The following KIAA0825 variants were observed in gnomAD, a reference collection of about 807,000 sequenced individuals.
KIAA0825 encodes the protein KIAA0825.
A neutral mutation model predicts 147.6 loss-of-function variants in KIAA0825; 119 were observed. The ratio of observed to expected loss-of-function variants is 0.81; its 90% CI spans 0.69 to 0.94. The LOEUF (loss-of-function observed/expected upper bound fraction) is 0.94. Ranked by LOEUF, KIAA0825 falls within the 40% of genes least tolerant of loss-of-function variation. The pLI is 0.00. For missense variants in KIAA0825, 1,381 were observed against 1,472.7 expected, an observed-to-expected ratio of 0.94 and a Z score of 1.02; for synonymous variants, 470 against 518.1, an observed-to-expected ratio of 0.91 and a Z score of 1.26.
At chr5:94,553,002 A>G (rs867194742) in intron 2 of KIAA0825, among the ~76,000 whole-genome samples, 9 of 152,250 alleles carry the variant, frequency 5.9e-5, no homozygotes, top group African/African-American at 1.9e-4. Context: ...TCAAATAGCT[A>G]GAAGAGAAGT....
At chr5:94,443,339 T>C (rs1476969292) in intron 13 of KIAA0825, among the ~76,000 whole-genome samples, 1 of 143,504 alleles carries the variant, frequency 7.0e-6, no homozygotes, top group Non-Finnish European at 1.5e-5. Context: ...GGAAATTTTA[T>C]ATATATATAT....
intron 20 of KIAA0825, among the ~76,000 whole-genome samples, chr5:94,278,270 G>C (rs1777306218): frequency 6.6e-6 from 1 of 152,054 alleles, no homozygotes; most frequent in Non-Finnish European, 1.5e-5. Context: ...GCTAGAACTT[G>C]AAGTAAAATT....
chr5:94,182,882 T>G (rs1296405277), intron 20 of KIAA0825, among the ~76,000 whole-genome samples: 1 of 152,186 alleles, frequency 6.6e-6, no homozygotes, highest in Non-Finnish European at 1.5e-5. Flanking sequence ...GAGGACTAAA[T>G]GAATAGATAG....
intron 9 of KIAA0825, 85 bp downstream of exon 9, chr5:94,471,381 T>A: frequency 7.4e-7 from 1 of 1,358,818 alleles, no homozygotes; most frequent in Admixed American, 2.6e-5. Flanking sequence ...TCTCAAATCT[T>A]ATTACCAAAA....
At chr5:94,399,022 T>C (rs192555925) in intron 16 of KIAA0825, among the ~76,000 whole-genome samples, 51 of 152,262 alleles carry the variant, frequency 3.3e-4, no homozygotes, top group African/African-American at 1.1e-3. Context: ...TCTTTATAAG[T>C]TTGTAAAAAC....
intron 20 of KIAA0825, among the ~76,000 whole-genome samples, chr5:94,249,777 TC>T (rs1485139768): frequency 1.3e-5 from 2 of 150,380 alleles, no homozygotes; most frequent in Admixed American, 1.3e-4. Context: ...TTTGCTTTTT[TC>T]CCCAATATTT....
chr5:94,265,864 A>C (rs1776720367), intron 20 of KIAA0825, among the ~76,000 whole-genome samples: 1 of 152,170 alleles, frequency 6.6e-6, no homozygotes, highest in Non-Finnish European at 1.5e-5. Flanking sequence ...TGCCCTTATG[A>C]AGCAGCAAAA....
chr5:94,246,333 G>A (rs183077096), intron 20 of KIAA0825, among the ~76,000 whole-genome samples: 6 of 152,228 alleles, frequency 3.9e-5, no homozygotes, highest in Non-Finnish European at 8.8e-5. Context: ...TGTTGTGAAG[G>A]AAGTTGATGA....
At chr5:94,481,796 T>G (rs1762524844) in intron 6 of KIAA0825, among the ~76,000 whole-genome samples, 1 of 152,110 alleles carries the variant, frequency 6.6e-6, no homozygotes, top group Non-Finnish European at 1.5e-5. Flanking sequence ...TCTTTGATTC[T>G]TCTGAGACAA....
chr5:94,174,751 T>G (rs978755046), intron 20 of KIAA0825, among the ~76,000 whole-genome samples: 2 of 152,194 alleles, frequency 1.3e-5, no homozygotes, highest in Admixed American at 1.3e-4. Flanking sequence ...CACATCCAGT[T>G]ACCAACCCTA....
At chr5:94,361,350 C>T (rs115156277) in intron 20 of KIAA0825, among the ~76,000 whole-genome samples, 1,850 of 152,248 alleles carry the variant, frequency 0.012, 16 homozygotes, top group Non-Finnish European at 0.018. Context: ...ACAGATTAGT[C>T]ACACCATCTG....
At chr5:94,567,381 C>T (rs977996083) in intron 2 of KIAA0825, 1 of 152,070 alleles carries the variant, frequency 6.6e-6, no homozygotes, top group Non-Finnish European at 1.5e-5. Flanking sequence ...TGTTTAATAC[C>T]ATGATGGAAC....
chr5:94,593,538 A>G, intron 1 of KIAA0825: 1 of 604,528 alleles, frequency 1.7e-6, no homozygotes, highest in East Asian at 2.7e-5. Context: ...AGTTTTTTGT[A>G]GCATTGGGAC....
intron 13 of KIAA0825, among the ~76,000 whole-genome samples, chr5:94,450,366 A>T (rs867067406): frequency 6.9e-6 from 1 of 145,814 alleles, no homozygotes; most frequent in Non-Finnish European, 1.5e-5. Flanking sequence ...TCACCCAGCA[A>T]GTTTGGGGAA....
rs185146343 is a variant in KIAA0825, at chr5:94,561,575, A to C, written c.-2+20858T>G. ...ATTTGAATTGAATTGTAGGACACCC[A>C]GTTGATGTCTGTCTTGCATATGGAC... On this transcript the variant is annotated intron_variant, in intron 2 of 20. Transcript: ENST00000682413. 5.3e-4 allele frequency among the ~76,000 whole-genome samples: 81 copies of C among 152,334 alleles called. 1 individual carries two copies. Among genetic ancestry groups the C allele is most frequent in the African/African-American group, 1.8e-3 (76 of 41,578 alleles).
Position 94,167,169 on chromosome 5 carries a change from C to T in KIAA0825, c.3711-13045G>A, listed in dbSNP as rs558261384. Among the ~76,000 whole-genome samples the T allele has an allele frequency of 1.8e-3, 277 of 152,192 alleles. 1 individual carries two copies. The highest frequency in any genetic ancestry group is 3.4e-3 in the Non-Finnish European group (232 of 68,018). On this transcript the variant is annotated intron_variant, in intron 20 of 20. Transcript: ENST00000682413. ...CCTACCCTCTTTCTGATACGTTCTC[C>T]GGATGATGAAAATCCACAAAAGCTT...
intron 20 of KIAA0825, among the ~76,000 whole-genome samples, chr5:94,324,648 G>A (rs1425983159): frequency 6.6e-6 from 1 of 151,628 alleles, no homozygotes; most frequent in Admixed American, 6.6e-5. Flanking sequence ...TTCATATATT[G>A]ACTTTTTATT....
At chr5:94,392,580 T>C (rs1246471725) in intron 17 of KIAA0825, among the ~76,000 whole-genome samples, 3 of 152,220 alleles carry the variant, frequency 2.0e-5, no homozygotes, top group Non-Finnish European at 4.4e-5. Flanking sequence ...TGCTACACTT[T>C]GCAATGTAAG....
At chr5:94,540,987 G>T (rs928479594) in intron 2 of KIAA0825, among the ~76,000 whole-genome samples, 3 of 152,160 alleles carry the variant, frequency 2.0e-5, no homozygotes, top group African/African-American at 7.2e-5. Context: ...TAAAATAACT[G>T]GTTGTTTAAA....
Sources: allele counts gnomAD v4.1 joint callset (sites outside exome capture counted in the v4.1 genomes callset), GRCh38; gene constraint gnomAD v4.1.1; transcripts MANE v1.5; gene names NCBI Gene and HGNC (gene_info 2026-07-23, HGNC 2026-07-21).